Variants in PTGFR observed in about 807,000 individuals in gnomAD.
PTGFR encodes prostaglandin F2-alpha receptor.
In PTGFR, 15 loss-of-function variants were observed where a neutral mutation model predicts 26.2. That is an observed-to-expected ratio of 0.57 (90% CI 0.38 to 0.88). The LOEUF (loss-of-function observed/expected upper bound fraction) is 0.88, where lower values mean the gene tolerates loss of function less well. Ranked by LOEUF, PTGFR falls within the 40% of genes least tolerant of loss-of-function variation. The pLI, the probability that PTGFR is intolerant of heterozygous loss-of-function variation, is 0.00. For synonymous variants in PTGFR, 165 were observed against 151.1 expected (o/e 1.09, Z -0.68); for missense variants, 369 against 427.2 (o/e 0.86, Z 1.20).
intron 2 of PTGFR, among the ~76,000 whole-genome samples, chr1:78,494,042 GAAGA>G (rs1649483596): frequency 6.6e-6 from 1 of 152,250 alleles, no homozygotes; most frequent in Non-Finnish European, 1.5e-5. Context: ...TAGTTCAAGT[GAAGA>G]AATCAGTAAT....
At chr1:78,531,184 G>T (rs1265265542) in intron 2 of PTGFR, among the ~76,000 whole-genome samples, 1 of 152,074 alleles carries the variant, frequency 6.6e-6, no homozygotes, top group African/African-American at 2.4e-5. Flanking sequence ...AAGTTGAATC[G>T]AACTAATTGA....
chr1:78,527,024 T>C (rs1444486765), intron 2 of PTGFR, among the ~76,000 whole-genome samples: 1 of 152,136 alleles, frequency 6.6e-6, no homozygotes, highest in Non-Finnish European at 1.5e-5. Flanking sequence ...CTCAAGGTTT[T>C]ATTTGTATAC....
chr1:78,511,760 C>T (rs1046261824), intron 2 of PTGFR, among the ~76,000 whole-genome samples: 2 of 150,172 alleles, frequency 1.3e-5, no homozygotes, highest in African/African-American at 4.9e-5. Flanking sequence ...ATGTGGCTAG[C>T]CTGTGATTTT....
At chr1:78,508,460 C>T (rs765353185) in intron 2 of PTGFR, among the ~76,000 whole-genome samples, 20 of 152,096 alleles carry the variant, frequency 1.3e-4, no homozygotes, top group Non-Finnish European at 2.5e-4. Context: ...ATCATCATGC[C>T]CTTCATTAGG....
chr1:78,492,601 G>A, intron 1 of PTGFR, 71 bp from the exon 2 acceptor site: 1 of 793,588 alleles, frequency 1.3e-6, no homozygotes, highest in East Asian at 2.7e-5. Context: ...CCGGGTGCTG[G>A]GGCACGTCAG....
intron 2 of PTGFR, among the ~76,000 whole-genome samples, chr1:78,500,781 T>C (rs1570272551): frequency 6.6e-6 from 1 of 152,258 alleles, no homozygotes; most frequent in East Asian, 1.9e-4. Context: ...ATTTGATAAA[T>C]ATATGAGCTA....
intron 2 of PTGFR, among the ~76,000 whole-genome samples, chr1:78,501,433 C>A (rs1043902680): frequency 3.3e-5 from 5 of 152,152 alleles, no homozygotes; most frequent in African/African-American, 9.7e-5. Flanking sequence ...TGTAAATATA[C>A]CTTTCAGAGC....
chr1:78,511,266 G>T (rs575699108), intron 2 of PTGFR, among the ~76,000 whole-genome samples: 1 of 152,310 alleles, frequency 6.6e-6, no homozygotes, highest in East Asian at 1.9e-4. Context: ...TTCTGTGGGG[G>T]CCCTTCCCCT....
At chr1:78,511,216 C>T (rs1054499622) in intron 2 of PTGFR, among the ~76,000 whole-genome samples, 2 of 152,212 alleles carry the variant, frequency 1.3e-5, no homozygotes, top group African/African-American at 4.8e-5. Context: ...ATGGGGGCTC[C>T]AACCCAAAAC....
chr1:78,532,130 A>T, intron 2 of PTGFR: 1 of 366,354 alleles, frequency 2.7e-6, no homozygotes, highest in Non-Finnish European at 5.3e-6. Flanking sequence ...GTAACTAGAG[A>T]AAACAAAATG....
chr1:78,536,356 A>T, intron 2 of PTGFR, 50 bp from the exon 3 acceptor site: 1 of 1,524,042 alleles, frequency 6.6e-7, no homozygotes, highest in Admixed American at 2.1e-5. Flanking sequence ...TAAAAATTAT[A>T]GGATTGAAAA....
chr1:78,533,075 TAAAG>T (rs1233940963), intron 2 of PTGFR, among the ~76,000 whole-genome samples: 2 of 152,154 alleles, frequency 1.3e-5, no homozygotes, highest in African/African-American at 4.8e-5. Context: ...TGTATTTTCT[TAAAG>T]AAAGATTGAG....
chr1:78,539,922 T>A lies in PTGFR; in HGVS notation c.*3235T>A, dbSNP rs1226400690. On this transcript the variant is annotated 3_prime_UTR_variant, in exon 3 of 3. Transcript: ENST00000370757. ...ATATCTTCTCTCTTTTACCTGTGTC[T>A]CAACTTACCTAGGCAAGTCATAATT... Among the ~76,000 whole-genome samples the A allele has an allele frequency of 1.3e-5, 2 of 152,060 alleles. No individual in the cohort carries two copies. Among genetic ancestry groups the A allele is most frequent in the African/African-American group, 2.4e-5 (1 of 41,440 alleles).
At chr1:78,531,029 A>G (rs1650494296) in intron 2 of PTGFR, among the ~76,000 whole-genome samples, 1 of 152,132 alleles carries the variant, frequency 6.6e-6, no homozygotes, top group African/African-American at 2.4e-5. Context: ...TTGAAGACAC[A>G]TTGGGGTAAA....
At chr1:78,533,758 G>C (rs548998526) in intron 2 of PTGFR, among the ~76,000 whole-genome samples, 1 of 152,138 alleles carries the variant, frequency 6.6e-6, no homozygotes, top group South Asian at 2.1e-4. Context: ...GAGATGATGC[G>C]ATAACATCCA....
chr1:78,535,257 C>G (rs1650617484), intron 2 of PTGFR, among the ~76,000 whole-genome samples: 1 of 152,046 alleles, frequency 6.6e-6, no homozygotes, highest in Non-Finnish European at 1.5e-5. Flanking sequence ...GAGGTCTTCA[C>G]AGTGGTTGTA....
intron 2 of PTGFR, among the ~76,000 whole-genome samples, chr1:78,533,199 A>T (rs191733220): frequency 1.1e-4 from 17 of 152,328 alleles, no homozygotes; most frequent in African/African-American, 4.1e-4. Flanking sequence ...GACATTTAGT[A>T]AATGGATTGA....
intron 2 of PTGFR, chr1:78,497,809 G>T: frequency 1.8e-6 from 2 of 1,094,624 alleles, no homozygotes; most frequent in South Asian, 1.3e-5. Context: ...GGTAGACTTA[G>T]GACGCTATTA....
chr1:78,523,098 C>G (rs1650284786), intron 2 of PTGFR, among the ~76,000 whole-genome samples: 1 of 152,004 alleles, frequency 6.6e-6, no homozygotes, highest in African/African-American at 2.4e-5. Flanking sequence ...TGTAGGTGTA[C>G]TATAATCTCT....
Sources: allele counts gnomAD v4.1 joint callset (sites outside exome capture counted in the v4.1 genomes callset), GRCh38; gene constraint gnomAD v4.1.1; transcripts MANE v1.5; gene names NCBI Gene and HGNC (gene_info 2026-07-23, HGNC 2026-07-21).